The following CAST variants were observed in gnomAD, a reference collection of about 807,000 sequenced individuals.
The protein encoded by CAST is MIR583 host.
CAST carries 76 observed loss-of-function variants against 119.6 expected under a neutral mutation model. The observed-to-expected ratio is 0.64, with a 90% CI of 0.53 to 0.77. The LOEUF (loss-of-function observed/expected upper bound fraction) is 0.77, where lower values mean the gene tolerates loss of function less well. Ranked by LOEUF, CAST falls within the 30% of genes least tolerant of loss-of-function variation. The pLI is 0.00. For synonymous variants in CAST, 319 were observed against 331.6 expected (o/e 0.96, Z 0.41); for missense variants, 953 against 946.5 (o/e 1.01, Z -0.09).
At chr5:96,645,341 C>T (rs1309749655) in intron 1 of CAST, among the ~76,000 whole-genome samples, 1 of 152,208 alleles carries the variant, frequency 6.6e-6, no homozygotes, top group African/African-American at 2.4e-5. Flanking sequence ...TGTCAACATT[C>T]ATCACGCGGT....
the CAST span, among the ~76,000 whole-genome samples, chr5:96,051,577 TC>T: frequency 4.6e-5 from 7 of 152,242 alleles, no homozygotes; most frequent in Admixed American, 1.3e-4. Context: ...TGTAAAGTTC[TC>T]CCCTAGGGCA....
At chr5:96,082,008 G>A in the CAST span, among the ~76,000 whole-genome samples, 2 of 152,094 alleles carry the variant, frequency 1.3e-5, no homozygotes, top group Non-Finnish European at 2.9e-5. Context: ...CTGCCTCCTG[G>A]GTTCAGGCGA....
intron 20 of CAST, among the ~76,000 whole-genome samples, chr5:96,752,653 T>C (rs1403163614): frequency 6.7e-6 from 1 of 150,088 alleles, no homozygotes; most frequent in African/African-American, 2.5e-5. Context: ...GCTAAATCAC[T>C]TTTCTTTGGT....
At chr5:96,128,013 A>C in the CAST span, among the ~76,000 whole-genome samples, 1 of 152,094 alleles carries the variant, frequency 6.6e-6, no homozygotes, top group Admixed American at 6.6e-5. Context: ...ATGAGTTTCT[A>C]TGTCCTTGAG....
intron 1 of CAST, among the ~76,000 whole-genome samples, chr5:96,673,616 T>A (rs1056611212): frequency 2.6e-5 from 4 of 152,200 alleles, no homozygotes; most frequent in African/African-American, 7.2e-5. Flanking sequence ...TCAGTGTGCT[T>A]AGTAAGGTAT....
intron 2 of CAST, among the ~76,000 whole-genome samples, chr5:96,677,950 C>T (rs1750901973): frequency 6.6e-6 from 1 of 152,100 alleles, no homozygotes. Flanking sequence ...AATGGTCTGT[C>T]TCAAAGGGCC....
At chr5:96,185,907 G>A in the CAST span, among the ~76,000 whole-genome samples, 3 of 152,024 alleles carry the variant, frequency 2.0e-5, no homozygotes, top group South Asian at 2.1e-4. Context: ...GTAGTTTAAA[G>A]GGAATTGAAT....
the CAST span, among the ~76,000 whole-genome samples, chr5:96,115,911 G>A: frequency 6.6e-6 from 1 of 150,638 alleles, no homozygotes; most frequent in Non-Finnish European, 1.5e-5. Context: ...TTCCTGACAT[G>A]GTCATTTCTT....
At chr5:96,047,417 A>G in the CAST span, among the ~76,000 whole-genome samples, 451 of 152,254 alleles carry the variant, frequency 3.0e-3, 1 homozygote, top group Admixed American at 5.4e-3. Flanking sequence ...TTTCTATAAG[A>G]ACTCAAATGA....
intron 1 of CAST, chr5:96,663,199 CGGAAGGGAGTGTGTT>C (rs765484377): frequency 5.7e-6 from 4 of 702,542 alleles, no homozygotes; most frequent in South Asian, 4.4e-5. Flanking sequence ...GGGCAGGACC[CGGAAGGGAGTGTGTT>C]GGAAGGGAGT....
At chr5:96,230,045 C>T in the CAST span, among the ~76,000 whole-genome samples, 1 of 152,156 alleles carries the variant, frequency 6.6e-6, no homozygotes, top group Non-Finnish European at 1.5e-5. Flanking sequence ...TGTGCTCAAA[C>T]ATACTACTAT....
intron 1 of CAST, among the ~76,000 whole-genome samples, chr5:96,670,848 A>G (rs529001154): frequency 6.6e-6 from 1 of 152,172 alleles, no homozygotes; most frequent in Non-Finnish European, 1.5e-5. Flanking sequence ...TTGGCTGTCT[A>G]TGTATCTGTG....
At chr5:96,738,096 C>T in intron 11 of CAST, 149 bp downstream of exon 11, 1 of 519,376 alleles carries the variant, frequency 1.9e-6, no homozygotes, top group Non-Finnish European at 3.4e-6. Context: ...CCGAGGCAGG[C>T]AGATTTCTTG....
the CAST span, among the ~76,000 whole-genome samples, chr5:96,505,181 C>T: frequency 0.44 from 66,994 of 152,132 alleles, 16,879 homozygotes; most frequent in Middle Eastern, 0.59. Context: ...AGCTGCCAAA[C>T]TTCAAAATGT....
At chr5:96,616,454 A>G (rs1267423978) in intron 1 of CAST, among the ~76,000 whole-genome samples, 1 of 152,170 alleles carries the variant, frequency 6.6e-6, no homozygotes, top group Non-Finnish European at 1.5e-5. Context: ...TTCCAGCCTC[A>G]TGTATGGCCA....
chr5:96,297,785 T>G, the CAST span, among the ~76,000 whole-genome samples: 1 of 152,222 alleles, frequency 6.6e-6, no homozygotes, highest in Non-Finnish European at 1.5e-5. Context: ...TCCACGTTTT[T>G]AAATCCTAGT....
At chr5:96,162,410 ATTGT>A in the CAST span, among the ~76,000 whole-genome samples, 6 of 151,902 alleles carry the variant, frequency 3.9e-5, no homozygotes, top group African/African-American at 9.7e-5. Context: ...GGGATGGTAT[ATTGT>A]TTGTTTGTTT....
At chr5:96,721,998 G>C (rs746586220) in intron 3 of CAST, among the ~76,000 whole-genome samples, 27 of 152,168 alleles carry the variant, frequency 1.8e-4, no homozygotes, top group Admixed American at 1.4e-3. Context: ...GACACTGAAC[G>C]GACAGTTCAC....
the CAST span, among the ~76,000 whole-genome samples, chr5:96,295,880 CAT>C: frequency 3.3e-5 from 5 of 151,670 alleles, no homozygotes; most frequent in African/African-American, 1.2e-4. Context: ...TGTATGCACA[CAT>C]ATATATATAT....
Sources: gnomAD v4.1 joint callset for allele counts (sites outside exome capture counted in the v4.1 genomes callset) on GRCh38, gnomAD v4.1.1 for gene constraint, MANE v1.5 for transcripts, NCBI Gene and HGNC (gene_info 2026-07-23, HGNC 2026-07-21) for gene names.